RAB7A: variants seen among roughly 807,000 people sequenced by gnomAD.
The protein encoded by RAB7A is ras-related protein Rab-7a.
RAB7A carries 2 observed loss-of-function variants against 24.5 expected under a neutral mutation model. The observed-to-expected ratio is 0.08, with a 90% CI of 0.03 to 0.26. RAB7A has a LOEUF of 0.26. RAB7A is among the 10% of genes least tolerant of loss of function. The probability of loss-of-function intolerance (pLI) is 1.00; values close to 1 mark genes in which losing one functional copy is unlikely to be tolerated. For synonymous variants in RAB7A, 100 were observed against 95.9 expected (o/e 1.04, Z -0.25); for missense variants, 118 against 255.7 (o/e 0.46, Z 3.67).
chr3:128,804,114 G>GCCCCCC (rs200546571), intron 3 of RAB7A, among the ~76,000 whole-genome samples: 5 of 146,876 alleles, frequency 3.4e-5, no homozygotes, highest in African/African-American at 7.7e-5. Flanking sequence ...ACCTCCCTGG[G>GCCCCCC]CCCCCCCCCG....
chr3:128,737,825 G>GTTTTTTTTTTGT (rs2070506320), intron 1 of RAB7A, among the ~76,000 whole-genome samples: 1 of 59,482 alleles, frequency 1.7e-5, no homozygotes, highest in Admixed American at 2.4e-4. Context: ...TTTTTTTGTA[G>GTTTTTTTTTTGT]TTTTTTTTTT....
intron 1 of RAB7A, among the ~76,000 whole-genome samples, chr3:128,745,022 C>T (rs144363473): frequency 0.012 from 1,879 of 151,838 alleles, 35 homozygotes; most frequent in African/African-American, 0.041. Context: ...TACAGGCATC[C>T]GCCACCACAC....
intron 1 of RAB7A, among the ~76,000 whole-genome samples, chr3:128,750,257 A>G (rs1258315599): frequency 6.6e-6 from 1 of 152,064 alleles, no homozygotes; most frequent in East Asian, 1.9e-4. Flanking sequence ...ATCTGGAGGA[A>G]GAAATTTCTT....
chr3:128,739,439 A>G (rs922737096), intron 1 of RAB7A, among the ~76,000 whole-genome samples: 1 of 151,326 alleles, frequency 6.6e-6, no homozygotes, highest in Non-Finnish European at 1.5e-5. Flanking sequence ...CTTGAACCTG[A>G]GAGGCAGAGG....
intron 1 of RAB7A, among the ~76,000 whole-genome samples, chr3:128,747,079 CA>C (rs2070624960): frequency 6.8e-6 from 1 of 146,796 alleles, no homozygotes; most frequent in Admixed American, 6.7e-5. Context: ...GGCCGAAGGG[CA>C]AAGATCACTG....
At position 128,814,398 on chromosome 3, in the gene RAB7A, T is replaced by C. The variant is rs1048797279; in HGVS notation, c.*976T>C. On this transcript the variant is annotated 3_prime_UTR_variant, in exon 6 of 6. Transcript: ENST00000265062. ...TTGCCGTTATTTCAAAAATTAAAATTCTCATTTTCTTTCTTTTTTTTCCCC... is the reference window on the plus strand; with the variant it reads ...TTGCCGTTATTTCAAAAATTAAAATCCTCATTTTCTTTCTTTTTTTTCCCC... The C allele has an allele frequency of 6.6e-6, 1 of 152,592 alleles. No individual in the cohort carries two copies. The highest frequency in any genetic ancestry group is 2.4e-5 in the African/African-American group (1 of 41,442). 9.5% of individuals were successfully genotyped at this position (152,592 alleles called of 1,614,324 possible).
rs763389012 is a variant in RAB7A, at chr3:128,741,006, A to G, written c.-9+14647A>G. 5.3e-5 allele frequency among the ~76,000 whole-genome samples: 8 copies of G among 151,672 alleles called. 1 individual carries two copies. In the South Asian group the frequency reaches 6.2e-4, roughly 12 times the overall value. Reference sequence around the variant, plus strand: ...ATTCACTTAAATTTTGTAGAAATTTAAGTATATATAATTGTATAATAAATG... The same window carrying G: ...ATTCACTTAAATTTTGTAGAAATTTGAGTATATATAATTGTATAATAAATG... On this transcript the variant is annotated intron_variant, in intron 1 of 5. Transcript: ENST00000265062.
At chr3:128,784,681 A>T (rs1387133658) in intron 1 of RAB7A, among the ~76,000 whole-genome samples, 1 of 152,034 alleles carries the variant, frequency 6.6e-6, no homozygotes, top group African/African-American at 2.4e-5. Flanking sequence ...TTTAAGGAAA[A>T]CTGTTTGTTC....
At chr3:128,790,995 T>A (rs1467322255) in intron 1 of RAB7A, among the ~76,000 whole-genome samples, 1 of 152,210 alleles carries the variant, frequency 6.6e-6, no homozygotes, top group Non-Finnish European at 1.5e-5. Flanking sequence ...ATAGACTGTT[T>A]ATTCAAATTC....
chr3:128,809,933 AGTCTTTTTTTTTTTT>A (rs1412886839), intron 5 of RAB7A, among the ~76,000 whole-genome samples: 13 of 54,056 alleles, frequency 2.4e-4, no homozygotes, highest in Non-Finnish European at 4.7e-4. Flanking sequence ...CTCTTGCCAC[AGTCTTTTTTTTTTTT>A]TTTTTTTTTT....
At chr3:128,730,733 C>T (rs1314321627) in intron 1 of RAB7A, among the ~76,000 whole-genome samples, 1 of 152,124 alleles carries the variant, frequency 6.6e-6, no homozygotes, top group Non-Finnish European at 1.5e-5. Flanking sequence ...AGGAAGAAAG[C>T]TTGGGAGTTG....
intron 5 of RAB7A, among the ~76,000 whole-genome samples, chr3:128,812,093 T>C (rs568515891): frequency 1.3e-5 from 2 of 152,222 alleles, no homozygotes; most frequent in Admixed American, 1.3e-4. Context: ...TGCCCAACTT[T>C]CTGAATATAC....
intron 2 of RAB7A, among the ~76,000 whole-genome samples, chr3:128,797,237 A>G (rs989998319): frequency 5.3e-5 from 8 of 152,188 alleles, no homozygotes; most frequent in South Asian, 2.1e-4. Context: ...AGGTTCTTTA[A>G]CACAAATATG....
intron 5 of RAB7A, among the ~76,000 whole-genome samples, chr3:128,809,725 A>G (rs1933878878): frequency 6.7e-6 from 1 of 149,396 alleles, no homozygotes; most frequent in South Asian, 2.1e-4. Context: ...TTTCCTCTCA[A>G]GAGAGCTCAG....
At chr3:128,795,750 G>GTTTTTTTTTTTTTTTTTTTTTTTTTT (rs1491091651) in intron 2 of RAB7A, among the ~76,000 whole-genome samples, 2 of 6,876 alleles carry the variant, frequency 2.9e-4, no homozygotes, top group Non-Finnish European at 4.1e-4. Context: ...TAGCAGATGT[G>GTTTTTTTTTTTTTTTTTTTTTTTTTT]CTTTTTTTTT....
At chr3:128,785,893 A>G (rs566455635) in intron 1 of RAB7A, among the ~76,000 whole-genome samples, 1 of 151,760 alleles carries the variant, frequency 6.6e-6, no homozygotes, top group Admixed American at 6.5e-5. Flanking sequence ...GTCTTTTCCT[A>G]CTGAGTTTCT....
At chr3:128,732,594 T>G (rs955794586) in intron 1 of RAB7A, among the ~76,000 whole-genome samples, 5 of 151,916 alleles carry the variant, frequency 3.3e-5, no homozygotes, top group African/African-American at 1.2e-4. Context: ...TTTGGGAGGG[T>G]AAGGCAGGAG....
At chr3:128,737,825 GTTTTTTTTT>G (rs56027163) in intron 1 of RAB7A, among the ~76,000 whole-genome samples, 21 of 59,492 alleles carry the variant, frequency 3.5e-4, no homozygotes, top group East Asian at 2.4e-3. Context: ...TTTTTTTGTA[GTTTTTTTTT>G]TTTTTTTTTT....
In RAB7A at chr3:128,778,984, A is replaced by C. The variant is rs144152066; in HGVS notation, c.-8-16376A>C. On this transcript the variant is annotated intron_variant, in intron 1 of 5. Transcript: ENST00000265062. ...TTCACTGCATGATTTTGCAGCTAGA[A>C]TAGTTTGAAGATGGAACACTGCATA... 2.6e-5 allele frequency among the ~76,000 whole-genome samples: 4 copies of C among 152,372 alleles called. No individual in the cohort carries two copies. The East Asian group carries it at 7.7e-4, about 29-fold the overall frequency.
Sources: allele counts gnomAD v4.1 joint callset (sites outside exome capture counted in the v4.1 genomes callset), GRCh38; gene constraint gnomAD v4.1.1; transcripts MANE v1.5; gene names NCBI Gene and HGNC (gene_info 2026-07-23, HGNC 2026-07-21).